Variants in HS6ST3 observed in about 807,000 individuals in gnomAD.
The protein encoded by HS6ST3 is heparan sulfate 6-O-sulfotransferase 3, also known as heparan-sulfate 6-O-sulfotransferase 3.
HS6ST3 carries 12 observed loss-of-function variants against 36.7 expected under a neutral mutation model. That is an observed-to-expected ratio of 0.33 (90% CI 0.21 to 0.53). The LOEUF is 0.53. Ranked by LOEUF, HS6ST3 falls within the 20% of genes least tolerant of loss-of-function variation. The probability of loss-of-function intolerance (pLI) is 0.95; values close to 1 mark genes in which losing one functional copy is unlikely to be tolerated. For missense variants in HS6ST3, 584 were observed against 640.9 expected (o/e 0.91, Z 0.96); for synonymous variants, 240 against 257.5 (o/e 0.93, Z 0.65).
intron 1 of HS6ST3, among the ~76,000 whole-genome samples, chr13:96,384,949 G>A (rs2055360121): frequency 6.6e-6 from 1 of 152,154 alleles, no homozygotes; most frequent in African/African-American, 2.4e-5. Flanking sequence ...GGAGGCAGAG[G>A]CAGGCGGATC....
At chr13:96,403,124 A>G (rs1367268210) in intron 1 of HS6ST3, among the ~76,000 whole-genome samples, 3 of 151,716 alleles carry the variant, frequency 2.0e-5, no homozygotes, top group South Asian at 4.2e-4. Flanking sequence ...TTTCATTTCC[A>G]TTTCCCTGTT....
At chr13:96,472,127 T>G (rs897410936) in intron 1 of HS6ST3, among the ~76,000 whole-genome samples, 1 of 152,216 alleles carries the variant, frequency 6.6e-6, no homozygotes, top group Non-Finnish European at 1.5e-5. Flanking sequence ...GTTGGTGAGA[T>G]GTATACTTCA....
rs554184368 is a variant in HS6ST3 at position 96,306,164 on chromosome 13, C to T, written c.707+214595C>T. Among the ~76,000 whole-genome samples the T allele has an allele frequency of 6.0e-4, 88 of 147,170 alleles. No homozygotes were observed. The South Asian group carries it at 7.1e-3, about 12-fold the overall frequency. On this transcript the variant is annotated intron_variant, in intron 1 of 1. Coordinates refer to ENST00000376705, the MANE Select transcript of HS6ST3 (RefSeq NM_153456.4). The stretch of plus-strand genomic sequence containing the variant: ...CTGTCACCAGGCTGTAGTACAGTGG[C>T]GTGATCTCAACTCACTGCAAGCTCT...
chr13:96,550,684 CTT>C (rs1360485048), intron 1 of HS6ST3, among the ~76,000 whole-genome samples: 1 of 151,540 alleles, frequency 6.6e-6, no homozygotes, highest in Admixed American at 6.6e-5. Flanking sequence ...ATACTCAAAA[CTT>C]GGCGTAATTA....
chr13:96,278,262 G>C lies in HS6ST3; in HGVS notation c.707+186693G>C, dbSNP rs77641730. Among the ~76,000 whole-genome samples the C allele has an allele frequency of 6.2e-3, 946 of 152,230 alleles. 4 individuals are homozygous for C. The highest frequency in any genetic ancestry group is 0.011 in the South Asian group (53 of 4,822). On this transcript the variant is annotated intron_variant, in intron 1 of 1. Coordinates refer to ENST00000376705, the MANE Select transcript of HS6ST3 (RefSeq NM_153456.4). ...TTTGGGACTGTCTTGCATTTTGTTTGTGTGGCAAGAAACAGTTTCTGGTCT... is the reference window on the plus strand; with the variant it reads ...TTTGGGACTGTCTTGCATTTTGTTTCTGTGGCAAGAAACAGTTTCTGGTCT...
chr13:96,773,889 CCTCCCAGCAGGGG>C lies in HS6ST3; in HGVS notation c.708-58600_708-58588del, dbSNP rs1225237958. The stretch of plus-strand genomic sequence containing the variant: ...CCCTGTGTCTCCTGACTGGGAGACA[CCTCCCAGCAGGGG>C]TTGACAGACACCTCATACAGGATAG... On this transcript the variant is annotated intron_variant, in intron 1 of 1. Transcript: ENST00000376705. 7.0e-4 allele frequency among the ~76,000 whole-genome samples: 107 copies of C among 152,276 alleles called. 2 individuals carry two copies. Among genetic ancestry groups the C allele is most frequent in the African/African-American group, 2.5e-3 (102 of 41,566 alleles).
chr13:96,684,368 A>G (rs193084755), intron 1 of HS6ST3, among the ~76,000 whole-genome samples: 13 of 152,176 alleles, frequency 8.5e-5, no homozygotes, highest in Middle Eastern at 3.4e-3. Flanking sequence ...AACAACTTTA[A>G]ATAGCTAACT....
intron 1 of HS6ST3, among the ~76,000 whole-genome samples, chr13:96,767,997 A>T (rs1478517133): frequency 6.6e-6 from 1 of 152,142 alleles, no homozygotes; most frequent in Non-Finnish European, 1.5e-5. Context: ...TTGCTCTCCC[A>T]TGTAAGCTAG....
At chr13:96,702,956 T>C (rs1875327170) in intron 1 of HS6ST3, among the ~76,000 whole-genome samples, 1 of 152,246 alleles carries the variant, frequency 6.6e-6, no homozygotes, top group Admixed American at 6.5e-5. Context: ...GTTATTGTTG[T>C]TATTTTATGC....
At chr13:96,141,961 C>G (rs1205418106) in intron 1 of HS6ST3, among the ~76,000 whole-genome samples, 2 of 149,126 alleles carry the variant, frequency 1.3e-5, no homozygotes, top group Admixed American at 6.7e-5. Flanking sequence ...AAAACCGTGT[C>G]CAGATATGCA....
intron 1 of HS6ST3, among the ~76,000 whole-genome samples, chr13:96,449,857 C>T (rs1284608594): frequency 6.6e-6 from 1 of 152,018 alleles, no homozygotes; most frequent in African/African-American, 2.4e-5. Context: ...TTGCCCTTCT[C>T]CATTATAAAA....
chr13:96,514,354 G>T (rs2056063332), intron 1 of HS6ST3, among the ~76,000 whole-genome samples: 1 of 152,162 alleles, frequency 6.6e-6, no homozygotes, highest in Non-Finnish European at 1.5e-5. Context: ...CAATTTCAAG[G>T]TTTTTCTCGC....
intron 1 of HS6ST3, among the ~76,000 whole-genome samples, chr13:96,610,344 A>C (rs1411138183): frequency 6.6e-6 from 1 of 152,226 alleles, no homozygotes; most frequent in African/African-American, 2.4e-5. Context: ...AGAATTATTT[A>C]TTCATTTTTA....
chr13:96,821,421 C>T (rs1226542810), intron 1 of HS6ST3, among the ~76,000 whole-genome samples: 2 of 152,182 alleles, frequency 1.3e-5, no homozygotes, highest in Non-Finnish European at 2.9e-5. Context: ...CTGATTTTTA[C>T]AAGATGATGG....
intron 1 of HS6ST3, among the ~76,000 whole-genome samples, chr13:96,404,089 A>G (rs893629663): frequency 6.6e-6 from 1 of 152,202 alleles, no homozygotes; most frequent in African/African-American, 2.4e-5. Context: ...TCTGTTGTTC[A>G]TGTAAGAGGA....
intron 1 of HS6ST3, among the ~76,000 whole-genome samples, chr13:96,223,596 A>G (rs573683473): frequency 1.3e-5 from 2 of 151,868 alleles, no homozygotes; most frequent in South Asian, 4.2e-4. Flanking sequence ...AGAATAGAAT[A>G]GCTGTACTTT....
chr13:96,186,563 G>T (rs2054265861), intron 1 of HS6ST3, among the ~76,000 whole-genome samples: 1 of 152,196 alleles, frequency 6.6e-6, no homozygotes, highest in Non-Finnish European at 1.5e-5. Flanking sequence ...AGACCTTTGT[G>T]TGTGGGTGTA....
At chr13:96,142,055 A>G (rs961295434) in intron 1 of HS6ST3, among the ~76,000 whole-genome samples, 37 of 127,984 alleles carry the variant, frequency 2.9e-4, no homozygotes, top group African/African-American at 1.0e-3. Context: ...AAAAAAAAAA[A>G]GCTGGCCAAG....
chr13:96,328,327 T>C (rs1320264694), intron 1 of HS6ST3, among the ~76,000 whole-genome samples: 1 of 150,486 alleles, frequency 6.6e-6, no homozygotes, highest in Non-Finnish European at 1.5e-5. Flanking sequence ...TTGTCATAGA[T>C]AGCTCTTATT....
Sources: allele counts gnomAD v4.1 joint callset (sites outside exome capture counted in the v4.1 genomes callset), GRCh38; gene constraint gnomAD v4.1.1; transcripts MANE v1.5; gene names NCBI Gene and HGNC (gene_info 2026-07-23, HGNC 2026-07-21).